The following GRM8 variants were observed in gnomAD, a reference collection of about 807,000 sequenced individuals.
GRM8 encodes the protein glutamate metabotropic receptor 8.
GRM8 carries 47 observed loss-of-function variants against 87.2 expected under a neutral mutation model. That is an observed-to-expected ratio of 0.54 (90% CI 0.43 to 0.69). The LOEUF (loss-of-function observed/expected upper bound fraction) is 0.69. GRM8 is among the 30% of genes least tolerant of loss of function. The pLI is 0.00. For missense variants in GRM8, 1,019 were observed against 1,139.2 expected (o/e 0.89, Z 1.52); for synonymous variants, 396 against 404.5 (o/e 0.98, Z 0.25).
intron 2 of GRM8, among the ~76,000 whole-genome samples, chr7:127,111,493 G>A (rs1419020409): frequency 6.6e-6 from 1 of 152,028 alleles, no homozygotes; most frequent in African/African-American, 2.4e-5. Context: ...CTTAAAGGGA[G>A]AAGGCATGCC....
intron 2 of GRM8, among the ~76,000 whole-genome samples, chr7:127,167,432 C>T (rs932205381): frequency 1.3e-5 from 2 of 152,070 alleles, no homozygotes; most frequent in African/African-American, 4.8e-5. Flanking sequence ...CGTTTTATTG[C>T]ACTTTACAGA....
At chr7:126,594,457 A>C (rs1209509190) in intron 8 of GRM8, among the ~76,000 whole-genome samples, 4 of 152,098 alleles carry the variant, frequency 2.6e-5, no homozygotes, top group African/African-American at 7.2e-5. Flanking sequence ...AAGCTAGAGG[A>C]CATTATGTTG....
At chr7:126,828,036 C>T (rs1794991253) in intron 6 of GRM8, among the ~76,000 whole-genome samples, 1 of 152,214 alleles carries the variant, frequency 6.6e-6, no homozygotes, top group African/African-American at 2.4e-5. Context: ...GTATATTGAA[C>T]CAGCCTTGCA....
At chr7:127,194,969 T>G (rs1795206717) in intron 2 of GRM8, among the ~76,000 whole-genome samples, 1 of 151,848 alleles carries the variant, frequency 6.6e-6, no homozygotes. Flanking sequence ...AACGTGAAAA[T>G]AAAGTTTCAT....
intron 3 of GRM8, among the ~76,000 whole-genome samples, chr7:126,915,672 CAAAG>C (rs1377946212): frequency 6.6e-6 from 1 of 151,144 alleles, no homozygotes; most frequent in African/African-American, 2.4e-5. Flanking sequence ...GTCAGAGAAA[CAAAG>C]AAAGAAATAT....
chr7:126,903,775 G>GTGTATA (rs759583815), intron 5 of GRM8, among the ~76,000 whole-genome samples, 197 bp downstream of exon 5: 10 of 87,670 alleles, frequency 1.1e-4, no homozygotes, highest in African/African-American at 4.0e-4. Flanking sequence ...ATGTGTGTGT[G>GTGTATA]TATATATATA....
chr7:126,456,370 G>A (rs568887697), intron 9 of GRM8, among the ~76,000 whole-genome samples: 1 of 151,280 alleles, frequency 6.6e-6, no homozygotes, highest in Non-Finnish European at 1.5e-5. Flanking sequence ...TGGGACTAGG[G>A]AGATAAAATC....
chr7:126,704,525 A>G (rs1456014759), intron 7 of GRM8, among the ~76,000 whole-genome samples: 1 of 152,206 alleles, frequency 6.6e-6, no homozygotes, highest in African/African-American at 2.4e-5. Context: ...ACCACCAGTG[A>G]GCCGGGCGGA....
At chr7:127,073,964 G>T (rs1821996171) in intron 3 of GRM8, among the ~76,000 whole-genome samples, 1 of 152,090 alleles carries the variant, frequency 6.6e-6, no homozygotes, top group Admixed American at 6.6e-5. Context: ...TCAAACCTTA[G>T]GTAACCAAAG....
intron 2 of GRM8, among the ~76,000 whole-genome samples, chr7:127,187,877 ATAC>A (rs1794821432): frequency 6.6e-6 from 1 of 152,230 alleles, no homozygotes; most frequent in Admixed American, 6.5e-5. Flanking sequence ...TGTAAAAATG[ATAC>A]TACAATGGGG....
At chr7:127,018,597 C>T (rs894899096) in intron 3 of GRM8, among the ~76,000 whole-genome samples, 6 of 151,846 alleles carry the variant, frequency 4.0e-5, no homozygotes, top group African/African-American at 1.5e-4. Context: ...AGCAATGAGC[C>T]TAGACAAATT....
At chr7:126,509,028 T>G (rs958849762) in intron 9 of GRM8, among the ~76,000 whole-genome samples, 1 of 152,088 alleles carries the variant, frequency 6.6e-6, no homozygotes, top group Non-Finnish European at 1.5e-5. Flanking sequence ...TATACTTGGA[T>G]GCAGTCACTT....
In GRM8 at chr7:127,090,384, T is replaced by G. The variant is rs17864126; in HGVS notation, c.727+16112A>C. Reference sequence around the variant, plus strand: ...GGAGTCATGACTCAATAGCAGAAGCTTTAGACCTTAGGACATCTTGCAGTC... The same window carrying G: ...GGAGTCATGACTCAATAGCAGAAGCGTTAGACCTTAGGACATCTTGCAGTC... On this transcript the variant is annotated intron_variant, in intron 3 of 10. Transcript: ENST00000339582. Among the ~76,000 whole-genome samples the G allele has an allele frequency of 3.8e-3, 581 of 152,298 alleles. 1 individual carries two copies. Among genetic ancestry groups the G allele is most frequent in the Non-Finnish European group, 6.0e-3 (406 of 68,020 alleles).
intron 2 of GRM8, among the ~76,000 whole-genome samples, chr7:127,222,203 C>G (rs528088044): frequency 2.6e-5 from 4 of 152,304 alleles, no homozygotes; most frequent in African/African-American, 9.6e-5. Context: ...GCCAGGAGTT[C>G]AAGGCCAGCC....
intron 6 of GRM8, among the ~76,000 whole-genome samples, chr7:126,805,314 A>G (rs1163254612): frequency 6.6e-6 from 1 of 152,162 alleles, no homozygotes; most frequent in Non-Finnish European, 1.5e-5. Flanking sequence ...CCCCATGGCA[A>G]TAATGTCCAA....
intron 9 of GRM8, among the ~76,000 whole-genome samples, chr7:126,454,924 C>G (rs557596104): frequency 6.6e-6 from 1 of 151,670 alleles, no homozygotes; most frequent in African/African-American, 2.4e-5. Flanking sequence ...GTGTGTGATA[C>G]AGCCCTGGAA....
intron 7 of GRM8, among the ~76,000 whole-genome samples, chr7:126,761,708 C>A (rs1011241911): frequency 6.6e-6 from 1 of 152,200 alleles, no homozygotes; most frequent in Non-Finnish European, 1.5e-5. Flanking sequence ...TGTCTCATCA[C>A]CTGACTGCCC....
chr7:126,601,375 A>C (rs942276909), intron 8 of GRM8, among the ~76,000 whole-genome samples: 6 of 152,116 alleles, frequency 3.9e-5, no homozygotes, highest in Non-Finnish European at 8.8e-5. Flanking sequence ...TATGGTGAAT[A>C]ATGCCGCAAT....
chr7:126,563,759 T>C (rs1390304980), intron 8 of GRM8, among the ~76,000 whole-genome samples: 3 of 152,184 alleles, frequency 2.0e-5, no homozygotes, highest in East Asian at 3.8e-4. Context: ...AGGTGGATAT[T>C]TGCTGACCAA....
Sources: gnomAD v4.1 joint callset for allele counts (sites outside exome capture counted in the v4.1 genomes callset) on GRCh38, gnomAD v4.1.1 for gene constraint, MANE v1.5 for transcripts, NCBI Gene and HGNC (gene_info 2026-07-23, HGNC 2026-07-21) for gene names.